Variants in CEP152 observed in about 807,000 individuals in gnomAD.
The protein encoded by CEP152 is centrosomal protein 152.
Under a neutral mutation model 188.9 loss-of-function variants are expected in CEP152, and 132 were observed. The ratio of observed to expected loss-of-function variants is 0.70; its 90% CI spans 0.61 to 0.81. CEP152 has a LOEUF of 0.81. Among genes scored for constraint, CEP152 ranks in the 30% least tolerant of loss-of-function variants. CEP152 has a pLI of 0.00. For synonymous variants in CEP152, 649 were observed against 666.6 expected (o/e 0.97, Z 0.41); for missense variants, 1,914 against 1,969.8 (o/e 0.97, Z 0.54).
chr15:48,734,846 T>C (rs1436766239), downstream of CEP152, among the ~76,000 whole-genome samples: 1 of 152,144 alleles, frequency 6.6e-6, no homozygotes. Context: ...AAGGTATATA[T>C]ACCTAACAAC....
chr15:48,760,378 A>T, intron 18 of CEP152, 112 bp from the exon 19 acceptor site: 2 of 1,318,774 alleles, frequency 1.5e-6, no homozygotes, highest in South Asian at 2.4e-5. Context: ...TCACTACATA[A>T]TAAAGTCAAA....
chr15:48,764,042 T>C (rs552157653), intron 17 of CEP152, among the ~76,000 whole-genome samples: 1 of 152,298 alleles, frequency 6.6e-6, no homozygotes, highest in Admixed American at 6.5e-5. Context: ...TTCCTAAAAA[T>C]AAAACTGGTG....
intron 11 of CEP152, among the ~76,000 whole-genome samples, chr15:48,781,652 G>A (rs548348551): frequency 1.8e-4 from 28 of 152,174 alleles, no homozygotes; most frequent in African/African-American, 6.0e-4. Context: ...TGCTGATGGC[G>A]GCGCTTTCTG....
chr15:48,744,290 G>C lies in CEP152; in HGVS notation c.3785C>G (p.Ala1262Gly), dbSNP rs758363297. ...ENACLPCSGGALEELRGQYIK... is the reference protein window; with the variant it reads ...ENACLPCSGGGLEELRGQYIK... ...GTACTGCCCACGAAGTTCTTCCAAG[G>C]CTCCCCCACTGCATGGCAGGCAAGC... The change falls in exon 24 of 27, where the codon GCC becomes GGC. Residue 1262 changes from alanine (A) to glycine (G), a missense_variant. Transcript: ENST00000380950. 1.9e-6 allele frequency: 3 copies of C among 1,613,880 alleles called. No individual in the cohort carries two copies. Among genetic ancestry groups the C allele is most frequent in the South Asian group, 1.1e-5 (1 of 91,078 alleles).
chr15:48,796,051 G>A lies in CEP152; in HGVS notation c.650C>T (p.Thr217Ile), dbSNP rs1305181171. The change falls in exon 6 of 27, where the codon ACA becomes ATA. Residue 217 changes from threonine (T) to isoleucine (I), a missense_variant. Thr to Ile is a moderately conservative substitution (Grantham distance 89, BLOSUM62 -1). Transcript: ENST00000380950. ...AAATTGTTGTTGCAGGCCTTCGAAT[G>A]TGTCACTTCCTGTTATCTCCTGGGC... is the stretch of plus-strand genomic sequence containing the variant. ...SPAQEITGSD[T>I]FEGLQQQFLG... 8.7e-6 allele frequency: 14 copies of A among 1,613,762 alleles called. No individual in the cohort carries two copies. Among genetic ancestry groups the A allele is most frequent in the African/African-American group, 1.3e-5 (1 of 74,892 alleles).
downstream of CEP152, among the ~76,000 whole-genome samples, chr15:48,734,547 A>G (rs535544505): frequency 6.6e-6 from 1 of 151,972 alleles, no homozygotes; most frequent in Non-Finnish European, 1.5e-5. Context: ...ATTGTAGTAA[A>G]TTTTAATGCA....
Position 48,745,954 on chromosome 15 carries a change from G to A in CEP152, c.3635-962C>T, listed in dbSNP as rs143460341. 7.1e-3 allele frequency among the ~76,000 whole-genome samples: 1,081 copies of A among 152,244 alleles called. 4 individuals are homozygous for A. Among genetic ancestry groups the A allele is most frequent in the Admixed American group, 9.8e-3 (150 of 15,294 alleles). On this transcript the variant is annotated intron_variant, in intron 22 of 26. Transcript: ENST00000380950. ...TATAAATGTGAACATGGCATCTCGT[G>A]TTTCCTGTGATGCTACCCTCTCAAC...
intron 13 of CEP152, among the ~76,000 whole-genome samples, chr15:48,770,294 T>C (rs536151140): frequency 4.0e-5 from 6 of 151,596 alleles, no homozygotes; most frequent in Admixed American, 1.3e-4. Context: ...TTGAGAAAAA[T>C]TGGAGTTTAG....
At chr15:48,803,190 TAGCCACAATCCCAA>T (rs979872583) in intron 2 of CEP152, among the ~76,000 whole-genome samples, 3 of 152,200 alleles carry the variant, frequency 2.0e-5, no homozygotes, top group Non-Finnish European at 4.4e-5. Flanking sequence ...AGTTATAACC[TAGCCACAATCCCAA>T]AGCCACAGTC....
chr15:48,755,111 G>A lies in CEP152; in HGVS notation c.3345+792C>T, dbSNP rs555100000. The stretch of plus-strand genomic sequence containing the variant: ...CTGGATCTTTCATGCATACCTAATT[G>A]CTTTGATCATAAGGTAGCAAGAATT... On this transcript the variant is annotated intron_variant, in intron 20 of 26. Coordinates refer to ENST00000380950, the MANE Select transcript of CEP152 (RefSeq NM_001194998.2). Among the ~76,000 whole-genome samples, 7 of 151,016 alleles carry A rather than the reference G, an allele frequency of 4.6e-5. No individual in the cohort carries two copies. The East Asian group carries it at 1.2e-3, about 25-fold the overall frequency.
chr15:48,810,125 G>A (rs1260506569), intron 1 of CEP152: 1 of 152,220 alleles, frequency 6.6e-6, no homozygotes, highest in Admixed American at 6.5e-5. Context: ...GCTTAAATCA[G>A]ACTCAAGTTC....
Position 48,783,973 on chromosome 15 carries a change from C to T in CEP152, c.1321G>A (p.Gly441Arg), listed in dbSNP as rs1162409652. Residue 441 changes from glycine (G) to arginine (R), a missense_variant and splice_region_variant, in exon 10 of 27, where the codon GGG becomes AGG. Coordinates refer to ENST00000380950, the MANE Select transcript of CEP152 (RefSeq NM_001194998.2). ...GACAGTGGACCTACCAGACACCTACCGGACTGCAACAAGTGGGCACACTGC... is the reference window on the plus strand; with the variant it reads ...GACAGTGGACCTACCAGACACCTACTGGACTGCAACAAGTGGGCACACTGC... ...QKQCAHLLQS[G>R]SVQEVAQLQF... 9.9e-6 allele frequency: 16 copies of T among 1,613,622 alleles called. No individual in the cohort carries two copies. The highest frequency in any genetic ancestry group is 9.3e-5 in the African/African-American group (7 of 74,928).
At chr15:48,748,638 T>A in intron 21 of CEP152, 28 bp from the exon 22 acceptor site, 1 of 1,442,640 alleles carries the variant, frequency 6.9e-7, no homozygotes, top group Non-Finnish European at 9.0e-7. Context: ...CAGAAAACTT[T>A]TATATCAGTT....
intron 22 of CEP152, among the ~76,000 whole-genome samples, chr15:48,747,908 T>C (rs537674069): frequency 7.9e-5 from 12 of 152,246 alleles, no homozygotes; most frequent in African/African-American, 2.9e-4. Context: ...ACGCCCTTGT[T>C]TATGCCTTTT....
rs1896834841 is a variant in CEP152, at chr15:48,788,856, T to C, written c.1118A>G (p.Gln373Arg). 6 of 1,614,228 alleles carry C rather than the reference T, an allele frequency of 3.7e-6. No individual in the cohort carries two copies. The highest frequency in any genetic ancestry group is 5.1e-6 in the Non-Finnish European group (6 of 1,180,032). ...CAAATTCTTTTGTAAGGACAATACTTGCTCTTCGTACTTCTTTGTGAGGCC... is the reference window on the plus strand; with the variant it reads ...CAAATTCTTTTGTAAGGACAATACTCGCTCTTCGTACTTCTTTGTGAGGCC... ...VMGLTKKYEEQVLSLQKNLDA... is the reference protein window; with the variant it reads ...VMGLTKKYEERVLSLQKNLDA... The change falls in exon 9 of 27, where the codon CAA becomes CGA. Residue 373 changes from glutamine (Q) to arginine (R), a missense_variant. Transcript: ENST00000380950.
intron 17 of CEP152, chr15:48,765,656 T>C (rs1350687974): frequency 2.6e-6 from 1 of 387,132 alleles, no homozygotes; most frequent in African/African-American, 2.8e-5. Context: ...TTTTTTTTTT[T>C]TTTTTTTTTT....
intron 10 of CEP152, chr15:48,783,293 C>T (rs1015768166): frequency 6.6e-6 from 1 of 152,058 alleles, no homozygotes; most frequent in African/African-American, 2.4e-5. Flanking sequence ...AAGCATATGT[C>T]TCAAACTTAA....
intron 18 of CEP152, among the ~76,000 whole-genome samples, chr15:48,761,140 C>T (rs954687044): frequency 1.3e-5 from 2 of 152,180 alleles, no homozygotes; most frequent in Non-Finnish European, 2.9e-5. Flanking sequence ...ACCAAAGCAG[C>T]ACCTTTAAAC....
intron 21 of CEP152, among the ~76,000 whole-genome samples, chr15:48,751,894 C>T (rs986421280): frequency 1.3e-5 from 2 of 152,020 alleles, no homozygotes; most frequent in Non-Finnish European, 2.9e-5. Flanking sequence ...CTCTGCCATA[C>T]GTTGGAAAGG....
Sources: gnomAD v4.1 joint callset for allele counts (sites outside exome capture counted in the v4.1 genomes callset) on GRCh38, gnomAD v4.1.1 for gene constraint, MANE v1.5 for transcripts, NCBI Gene and HGNC (gene_info 2026-07-23, HGNC 2026-07-21) for gene names.